ZBTB20: variants seen among roughly 807,000 people sequenced by gnomAD.
ZBTB20 encodes zinc finger and BTB domain-containing protein 20.
ZBTB20 carries 9 observed loss-of-function variants against 56.9 expected under a neutral mutation model. That is an observed-to-expected ratio of 0.16 (90% CI 0.10 to 0.28). ZBTB20 has a LOEUF of 0.28. Ranked by LOEUF, ZBTB20 falls within the 10% of genes least tolerant of loss-of-function variation. The pLI, the probability that ZBTB20 is intolerant of heterozygous loss-of-function variation, is 1.00. For missense variants in ZBTB20, 655 were observed against 1,003.0 expected (o/e 0.65, Z 4.69); for synonymous variants, 417 against 420.7 (o/e 0.99, Z 0.11).
intron 4 of ZBTB20, among the ~76,000 whole-genome samples, chr3:114,851,929 G>A (rs1003383237): frequency 1.3e-5 from 2 of 151,762 alleles, no homozygotes; most frequent in Non-Finnish European, 2.9e-5. Context: ...TTATCAATTC[G>A]CAGGAGCTCT....
intron 6 of ZBTB20, among the ~76,000 whole-genome samples, chr3:114,536,635 AC>A (rs1306890093): frequency 6.6e-6 from 1 of 152,172 alleles, no homozygotes; most frequent in African/African-American, 2.4e-5. Flanking sequence ...TTAGAAAAAA[AC>A]AATTTTAAAT....
chr3:114,897,167 C>T (rs1462452284), intron 4 of ZBTB20, among the ~76,000 whole-genome samples: 1 of 152,030 alleles, frequency 6.6e-6, no homozygotes, highest in Non-Finnish European at 1.5e-5. Context: ...AATGAGTAAA[C>T]AAGGGAACAG....
chr3:115,009,224 T>G (rs1191108710), intron 2 of ZBTB20, among the ~76,000 whole-genome samples: 1 of 151,924 alleles, frequency 6.6e-6, no homozygotes, highest in African/African-American at 2.4e-5. Flanking sequence ...TCATCTCATT[T>G]GAATGTACAA....
In ZBTB20 at chr3:115,117,605, C is replaced by A. The variant is rs190435064; in HGVS notation, c.-703+29614G>T. Among the ~76,000 whole-genome samples, 5 of 151,476 alleles carry A rather than the reference C, an allele frequency of 3.3e-5. No individual in the cohort carries two copies. In the East Asian group the frequency reaches 9.7e-4, roughly 29 times the overall value. On this transcript the variant is annotated intron_variant, in intron 1 of 11. Transcript: ENST00000675478. The stretch of plus-strand genomic sequence containing the variant: ...TTATTTTTAATAAATTATTTTATTC[C>A]TTTGTGTATTACAATCCATTAACGT...
At chr3:114,808,467 T>G (rs191245571) in intron 4 of ZBTB20, among the ~76,000 whole-genome samples, 1,754 of 152,070 alleles carry the variant, frequency 0.012, 16 homozygotes, top group South Asian at 0.041. Flanking sequence ...AATATAGTAT[T>G]AACTATAACT....
At chr3:114,796,519 T>C (rs2071353569) in intron 5 of ZBTB20, among the ~76,000 whole-genome samples, 1 of 151,978 alleles carries the variant, frequency 6.6e-6, no homozygotes, top group African/African-American at 2.4e-5. Flanking sequence ...GGGGCAGCAG[T>C]GTTTAGGATA....
intron 2 of ZBTB20, among the ~76,000 whole-genome samples, chr3:114,989,293 G>A (rs994987386): frequency 9.2e-5 from 14 of 152,180 alleles, no homozygotes; most frequent in Admixed American, 3.3e-4. Flanking sequence ...GCGTAAGGAA[G>A]GGATCCAGTT....
intron 6 of ZBTB20, among the ~76,000 whole-genome samples, chr3:114,507,081 GTTA>G (rs2044709840): frequency 1.3e-5 from 2 of 152,186 alleles, no homozygotes; most frequent in Admixed American, 1.3e-4. Context: ...TCAAGGAAAA[GTTA>G]ATTTTAGTGC....
At chr3:114,783,006 ATATT>A (rs1200760668) in intron 5 of ZBTB20, among the ~76,000 whole-genome samples, 1 of 152,198 alleles carries the variant, frequency 6.6e-6, no homozygotes, top group African/African-American at 2.4e-5. Flanking sequence ...TTATTCATGA[ATATT>A]CATTCATCCA....
intron 6 of ZBTB20, chr3:114,519,682 G>A (rs1020759506): frequency 6.6e-6 from 1 of 152,188 alleles, no homozygotes; most frequent in Non-Finnish European, 1.5e-5. Context: ...GCAGCATTGT[G>A]ATTGGTGGGA....
At chr3:115,012,249 T>A (rs2079750317) in intron 2 of ZBTB20, among the ~76,000 whole-genome samples, 1 of 151,722 alleles carries the variant, frequency 6.6e-6, no homozygotes, top group African/African-American at 2.4e-5. Context: ...AACTAAACTC[T>A]CCAATCAAAA....
At chr3:114,980,240 A>C (rs2078273447) in intron 2 of ZBTB20, among the ~76,000 whole-genome samples, 1 of 152,032 alleles carries the variant, frequency 6.6e-6, no homozygotes, top group African/African-American at 2.4e-5. Context: ...TCAACAAATA[A>C]ATAAATTAAA....
At chr3:114,986,407 C>A (rs1273846344) in intron 2 of ZBTB20, among the ~76,000 whole-genome samples, 1 of 152,120 alleles carries the variant, frequency 6.6e-6, no homozygotes, top group Non-Finnish European at 1.5e-5. Context: ...CTTAACCATG[C>A]TAATTCTGCA....
chr3:115,047,313 C>G (rs1362684730), intron 2 of ZBTB20, among the ~76,000 whole-genome samples: 3 of 152,074 alleles, frequency 2.0e-5, no homozygotes, highest in Non-Finnish European at 4.4e-5. Flanking sequence ...GATTATTTGA[C>G]AAAGTTTGAG....
chr3:114,746,179 C>G (rs1490981546), intron 5 of ZBTB20, among the ~76,000 whole-genome samples: 1 of 152,142 alleles, frequency 6.6e-6, no homozygotes, highest in Non-Finnish European at 1.5e-5. Flanking sequence ...TTCCCACCAC[C>G]CCTACTTAAA....
chr3:114,617,454 T>C (rs1190092671), intron 6 of ZBTB20, among the ~76,000 whole-genome samples: 1 of 152,228 alleles, frequency 6.6e-6, no homozygotes, highest in East Asian at 1.9e-4. Flanking sequence ...CCAAGATATG[T>C]TCAGCTGAAC....
intron 5 of ZBTB20, among the ~76,000 whole-genome samples, chr3:114,768,015 T>C (rs2068905089): frequency 6.6e-6 from 1 of 152,110 alleles, no homozygotes; most frequent in Non-Finnish European, 1.5e-5. Context: ...TTCAAAGGGC[T>C]TATATAAACT....
chr3:114,615,864 T>C (rs1189992960), intron 6 of ZBTB20, among the ~76,000 whole-genome samples: 1 of 152,232 alleles, frequency 6.6e-6, no homozygotes, highest in African/African-American at 2.4e-5. Context: ...AAATAGCCAC[T>C]TGAGCTCTGC....
chr3:114,529,060 G>C (rs2047546078), intron 6 of ZBTB20: 1 of 152,088 alleles, frequency 6.6e-6, no homozygotes, highest in Admixed American at 6.5e-5. Context: ...CCCCTAGGTA[G>C]TTACTTGCTA....
Sources: allele counts gnomAD v4.1 joint callset (sites outside exome capture counted in the v4.1 genomes callset), GRCh38; gene constraint gnomAD v4.1.1; transcripts MANE v1.5; gene names NCBI Gene and HGNC (gene_info 2026-07-23, HGNC 2026-07-21).